The following CHD9 variants were observed in gnomAD, a reference collection of about 807,000 sequenced individuals.
The protein encoded by CHD9 is ATP-dependent chromatin remodeler CHD9.
A neutral mutation model predicts 316.1 loss-of-function variants in CHD9; 77 were observed. That is an observed-to-expected ratio of 0.24 (90% confidence interval 0.20 to 0.29). The LOEUF is 0.29. Ranked by LOEUF, CHD9 falls within the 10% of genes least tolerant of loss-of-function variation. CHD9 has a pLI of 1.00. For missense variants in CHD9, 2,763 were observed against 3,438.1 expected, an observed-to-expected ratio of 0.80 and a Z score of 4.91; for synonymous variants, 1,129 against 1,158.3, an observed-to-expected ratio of 0.97 and a Z score of 0.51.
chr16:53,107,070 T>C (rs1019490944), intron 1 of CHD9, among the ~76,000 whole-genome samples: 4 of 152,160 alleles, frequency 2.6e-5, no homozygotes, highest in African/African-American at 9.7e-5. Flanking sequence ...CATCTAGAAA[T>C]TCTATTTTGC....
In CHD9 at chr16:53,308,758, G is replaced by A; in HGVS notation, c.7126G>A (p.Ala2376Thr). 1.9e-6 allele frequency: 3 copies of A among 1,613,516 alleles called. No individual in the cohort carries two copies. The highest frequency in any genetic ancestry group is 2.5e-6 in the Non-Finnish European group (3 of 1,179,652). The change falls in exon 34 of 39, where the codon GCT becomes ACT. Residue 2376 changes from alanine (A) to threonine (T), a missense_variant. This residue lies in a region of CHD9 where 663 missense variants were observed against 751.2 expected (regional missense o/e 0.88). Coordinates refer to ENST00000447540, the MANE Select transcript of CHD9 (RefSeq NM_001308319.2). Reference sequence around the variant, plus strand: ...AAGACCATTTGATGGTGAAGACGGTGCTCTGGGGCAGCAGCAGTACCTCAC... The same window carrying A: ...AAGACCATTTGATGGTGAAGACGGTACTCTGGGGCAGCAGCAGTACCTCAC... ...QKRPFDGEDG[A>T]LGQQQYLTRL...
chr16:53,307,953 C>T lies in CHD9; in HGVS notation c.7053C>T (p.Asp2351=), dbSNP rs778909908. 1.1e-5 allele frequency: 17 copies of T among 1,593,832 alleles called. No individual in the cohort carries two copies. The highest frequency in any genetic ancestry group is 8.0e-5 in the South Asian group (7 of 87,916). The change falls in exon 33 of 39, where the codon GAC becomes GAT. Residue 2351 remains aspartate (D), a splice_region_variant and synonymous_variant. Coordinates refer to ENST00000447540, the MANE Select transcript of CHD9 (RefSeq NM_001308319.2). ...REKEFTVKIK[D]EGGLKLTFQK... is the part of the protein sequence containing the mutation. ...AGGAGTTTACAGTGAAAATCAAAGA[C>T]GTATGTGTATTTTTATTGCCCTAGG...
At chr16:53,296,724 C>T (rs955589327) in intron 29 of CHD9, among the ~76,000 whole-genome samples, 6 of 152,122 alleles carry the variant, frequency 3.9e-5, no homozygotes, top group African/African-American at 1.4e-4. Context: ...GGATTACAGG[C>T]ATGAGCCACC....
At chr16:53,139,771 TCA>T (rs2039968082) in intron 1 of CHD9, among the ~76,000 whole-genome samples, 1 of 152,178 alleles carries the variant, frequency 6.6e-6, no homozygotes, top group Non-Finnish European at 1.5e-5. Flanking sequence ...TCAACCTGTC[TCA>T]GTCTTTAACT....
At chr16:53,104,085 T>C (rs1345365023) in intron 1 of CHD9, among the ~76,000 whole-genome samples, 1 of 152,226 alleles carries the variant, frequency 6.6e-6, no homozygotes, top group Non-Finnish European at 1.5e-5. Flanking sequence ...TCCTCTTCCC[T>C]GGAGTTGGCC....
Position 53,192,729 on chromosome 16 carries a change from G to A in CHD9, c.1453-16753G>A, listed in dbSNP as rs142061255. Among the ~76,000 whole-genome samples the A allele has an allele frequency of 2.3e-3, 343 of 152,220 alleles. 2 individuals are homozygous for A. Among genetic ancestry groups the A allele is most frequent in the African/African-American group, 7.4e-3 (307 of 41,566 alleles). On this transcript the variant is annotated intron_variant, in intron 2 of 38. Coordinates refer to ENST00000447540, the MANE Select transcript of CHD9 (RefSeq NM_001308319.2). The stretch of plus-strand genomic sequence containing the variant: ...GCATTTTTGAGAATGTTGTATGGAT[G>A]GAATCATGCAGTATATTGTGTTACT...
In CHD9 at chr16:53,246,556, A is replaced by G. The variant is rs527795689; in HGVS notation, c.3454+706A>G. On this transcript the variant is annotated intron_variant, in intron 15 of 38. Transcript: ENST00000447540. ...TTGTTTTAAGATACAGTGTCATTCT[A>G]TCACCCAGGCTGGAGTACAGAGGTG... Among the ~76,000 whole-genome samples, 30 of 152,042 alleles carry G rather than the reference A, an allele frequency of 2.0e-4. No individual in the cohort carries two copies. The East Asian group carries it at 2.9e-3, about 15-fold the overall frequency.
chr16:53,195,413 A>G (rs368779765), intron 2 of CHD9, among the ~76,000 whole-genome samples: 5 of 152,118 alleles, frequency 3.3e-5, no homozygotes, highest in African/African-American at 9.7e-5. Context: ...TTAAAATGGC[A>G]CTCATTTATT....
intron 1 of CHD9, among the ~76,000 whole-genome samples, chr16:53,100,801 CTA>C (rs1304710729): frequency 6.6e-6 from 1 of 152,132 alleles, no homozygotes; most frequent in Non-Finnish European, 1.5e-5. Context: ...CTTAGAAGCT[CTA>C]TGACATTGGC....
In CHD9 at chr16:53,088,277, TTG is replaced by T. The variant is rs1268620624; in HGVS notation, c.-165+33202_-165+33203del. On this transcript the variant is annotated intron_variant, in intron 1 of 38. Coordinates refer to ENST00000447540, the MANE Select transcript of CHD9 (RefSeq NM_001308319.2). Reference sequence around the variant, plus strand: ...GTAATCAAGGAAAATGACATGCACTTTGTTTTTTTTTTTTTTTTGAGATGGAG... The same window carrying T: ...GTAATCAAGGAAAATGACATGCACTTTTTTTTTTTTTTTTTTGAGATGGAG... Among the ~76,000 whole-genome samples, 85 of 142,270 alleles carry T rather than the reference TTG, an allele frequency of 6.0e-4. 3 individuals are homozygous for T. The highest frequency in any genetic ancestry group is 2.1e-3 in the African/African-American group (79 of 37,042). 93.3% of individuals were successfully genotyped at this position (142,270 alleles called of 152,430 possible). A position where few individuals can be genotyped will look rare whatever the true frequency, so the allele number is the denominator to read the frequency against.
chr16:53,090,241 C>T (rs1484354498), intron 1 of CHD9, among the ~76,000 whole-genome samples: 1 of 152,156 alleles, frequency 6.6e-6, no homozygotes, highest in Non-Finnish European at 1.5e-5. Flanking sequence ...ACCACTAAAG[C>T]TAGCATGGAG....
chr16:53,086,638 A>G (rs1347873433), intron 1 of CHD9, among the ~76,000 whole-genome samples: 13 of 152,264 alleles, frequency 8.5e-5, no homozygotes, highest in Admixed American at 8.5e-4. Context: ...AGGTGCATAT[A>G]AGATATGTGT....
At position 53,097,869 on chromosome 16, in the gene CHD9, C is replaced by T. The variant is rs138602772; in HGVS notation, c.-165+42792C>T. On this transcript the variant is annotated intron_variant, in intron 1 of 38. Coordinates refer to ENST00000447540, the MANE Select transcript of CHD9 (RefSeq NM_001308319.2). ...GGTGCGGTGGCTCACACTGTAATCCCAGCACTTTGGGAGGCCGAGATGGGT... is the reference window on the plus strand; with the variant it reads ...GGTGCGGTGGCTCACACTGTAATCCTAGCACTTTGGGAGGCCGAGATGGGT... Among the ~76,000 whole-genome samples, 82 of 152,220 alleles carry T rather than the reference C, an allele frequency of 5.4e-4. 1 individual carries two copies. Among genetic ancestry groups the T allele is most frequent in the African/African-American group, 1.8e-3 (74 of 41,464 alleles).
At chr16:53,296,900 T>C (rs2054861331) in intron 29 of CHD9, 56 bp from the exon 30 acceptor site, 8 of 1,090,594 alleles carry the variant, frequency 7.3e-6, no homozygotes, top group Non-Finnish European at 1.1e-5. Context: ...ATATTTAGTA[T>C]TAATATTAAT....
intron 1 of CHD9, among the ~76,000 whole-genome samples, chr16:53,080,309 G>A (rs1038941594): frequency 1.3e-5 from 2 of 152,032 alleles, no homozygotes; most frequent in Non-Finnish European, 2.9e-5. Context: ...CTACTCACAC[G>A]CCCATCAACA....
At chr16:53,092,637 C>G (rs2036047476) in intron 1 of CHD9, among the ~76,000 whole-genome samples, 1 of 152,076 alleles carries the variant, frequency 6.6e-6, no homozygotes. Flanking sequence ...TACGTGTAAC[C>G]CCTACCCACC....
At position 53,314,357 on chromosome 16, in the gene CHD9, T is replaced by G. The variant is rs1249471700; in HGVS notation, c.7223-20T>G. 1 of 1,520,468 alleles carries G rather than the reference T, an allele frequency of 6.6e-7. No individual in the cohort carries two copies. Among genetic ancestry groups the G allele is most frequent in the Admixed American group, 2.3e-5 (1 of 43,138 alleles). The allele number at this position is 1,520,468 out of a possible 1,614,324, so 94.2% of individuals were successfully genotyped here. ...AAGAACTAAATTTGTATCACCATTTTGCATTTTTAATTCAATTAGGTACTT... is the reference window on the plus strand; with the variant it reads ...AAGAACTAAATTTGTATCACCATTTGGCATTTTTAATTCAATTAGGTACTT... On this transcript the variant is annotated intron_variant, in intron 34 of 38. Coordinates refer to ENST00000447540, the MANE Select transcript of CHD9 (RefSeq NM_001308319.2).
intron 30 of CHD9, among the ~76,000 whole-genome samples, 159 bp downstream of exon 30, chr16:53,297,317 G>A (rs557178223): frequency 4.1e-4 from 63 of 152,128 alleles, no homozygotes; most frequent in Admixed American, 1.2e-3. Flanking sequence ...CTTAAAGATC[G>A]CGTATTTGTT....
chr16:53,179,942 A>ATATTT (rs2043365979), intron 2 of CHD9, among the ~76,000 whole-genome samples: 1 of 151,628 alleles, frequency 6.6e-6, no homozygotes, highest in African/African-American at 2.4e-5. Context: ...AGATTTTTAT[A>ATATTT]TATTTTCTCA....
Sources: gnomAD v4.1 joint callset for allele counts (sites outside exome capture counted in the v4.1 genomes callset) on GRCh38, gnomAD v4.1.1 for gene constraint, gnomAD v4.1.1 regional missense constraint, MANE v1.5 for transcripts, NCBI Gene and HGNC (gene_info 2026-07-23, HGNC 2026-07-21) for gene names.